VPS53: variants seen among roughly 807,000 people sequenced by gnomAD.
VPS53 encodes VPS53 subunit of GARP complex.
A neutral mutation model predicts 107.0 loss-of-function variants in VPS53; 70 were observed. That is an observed-to-expected ratio of 0.65 (90% CI 0.54 to 0.80). The LOEUF (loss-of-function observed/expected upper bound fraction) is 0.80, where lower values mean the gene tolerates loss of function less well. Ranked by LOEUF, VPS53 falls within the 30% of genes least tolerant of loss-of-function variation. The pLI is 0.00. For missense variants in VPS53, 917 were observed against 1,049.4 expected (o/e 0.87, Z 1.74); for synonymous variants, 409 against 393.3 (o/e 1.04, Z -0.47).
intron 11 of VPS53, among the ~76,000 whole-genome samples, chr17:613,571 T>C (rs1029634477): frequency 6.7e-6 from 1 of 149,022 alleles, no homozygotes; most frequent in Admixed American, 6.7e-5. Context: ...CACAGCAGTA[T>C]TCAAATAGTG....
At position 519,747 on chromosome 17, in the gene VPS53, C is replaced by T. The variant is rs1237559144; in HGVS notation, c.2328+79G>A. ...GCATTTTGAGAAAGCCCCCCCGGAA[C>T]TTATATCCCAATTCCCGGTTAAGAA... is the stretch of plus-strand genomic sequence containing the variant. On this transcript the variant is annotated intron_variant, in intron 21 of 21. Transcript: ENST00000437048. This position sits in a 1 kb window ranked among gnomAD's most constrained non-coding sequence, Gnocchi z 5.0. 2 of 1,093,148 alleles carry T rather than the reference C, an allele frequency of 1.8e-6. No individual in the cohort carries two copies. The highest frequency in any genetic ancestry group is 2.6e-5 in the East Asian group (1 of 38,708). The allele number at this position is 1,093,148 out of a possible 1,614,324, so 67.7% of individuals were successfully genotyped here. A position where few individuals can be genotyped will look rare whatever the true frequency, so the allele number is the denominator to read the frequency against.
At chr17:623,726 G>T in intron 10 of VPS53, 52 bp from the exon 11 acceptor site, 11 of 1,554,908 alleles carry the variant, frequency 7.1e-6, no homozygotes, top group Non-Finnish European at 9.6e-6. Context: ...CATTCATTCA[G>T]TAGAGATAAG....
Position 560,571 on chromosome 17 carries a change from G to T in VPS53, c.1559C>A (p.Thr520Asn). The change falls in exon 15 of 22, where the codon ACC becomes AAC. Residue 520 changes from threonine to asparagine, a missense_variant and splice_region_variant. Transcript: ENST00000437048. ...AGTCAGTCCTCCACTGCTGGTTGTG[G>T]TTCTGAAGAAAAGGAACAGGAACAA... ...WKILSGNLPK[T>N]TTSSGGLTIS... is the part of the protein sequence containing the mutation. The T allele has an allele frequency of 1.9e-6, 3 of 1,613,220 alleles. No individual in the cohort carries two copies. Among genetic ancestry groups the T allele is most frequent in the Non-Finnish European group, 2.5e-6 (3 of 1,179,604 alleles).
At chr17:536,353 G>A (rs1237011140) in intron 18 of VPS53, 1 of 152,108 alleles carries the variant, frequency 6.6e-6, no homozygotes, top group African/African-American at 2.4e-5. Context: ...AGGCTCAAAA[G>A]AAACAGAACC....
At chr17:679,922 T>C (rs996839204) in intron 4 of VPS53, among the ~76,000 whole-genome samples, 4 of 152,134 alleles carry the variant, frequency 2.6e-5, no homozygotes, top group Non-Finnish European at 4.4e-5. Context: ...CCGAGGCAGG[T>C]GGATCACCTG....
At chr17:598,440 A>C (rs1291259705) in intron 12 of VPS53, among the ~76,000 whole-genome samples, 1 of 151,070 alleles carries the variant, frequency 6.6e-6, no homozygotes, top group Non-Finnish European at 1.5e-5. Flanking sequence ...GGATGTGAGG[A>C]GCCCCTCTGC....
Position 547,641 on chromosome 17 carries a change from T to A in VPS53, c.1866+4231A>T, listed in dbSNP as rs145913890. On this transcript the variant is annotated intron_variant, in intron 17 of 21. Coordinates refer to ENST00000437048, the MANE Select transcript of VPS53 (RefSeq NM_001128159.3). Reference sequence around the variant, plus strand: ...CTAAAAACAACTAAATTGTACACTTTATTTATTTATTTATAAAATAGAGTC... The same window carrying A: ...CTAAAAACAACTAAATTGTACACTTAATTTATTTATTTATAAAATAGAGTC... 3.9e-5 allele frequency among the ~76,000 whole-genome samples: 6 copies of A among 152,250 alleles called. No individual in the cohort carries two copies. In the East Asian group the frequency reaches 1.2e-3, roughly 29 times the overall value.
chr17:685,993 C>T (rs967821532), intron 4 of VPS53, among the ~76,000 whole-genome samples: 3 of 150,760 alleles, frequency 2.0e-5, no homozygotes, highest in East Asian at 1.9e-4. Flanking sequence ...GACCCTGGAG[C>T]GAGACCCTGT....
intron 6 of VPS53, among the ~76,000 whole-genome samples, chr17:654,614 G>A (rs982177798): frequency 2.6e-5 from 4 of 151,190 alleles, no homozygotes; most frequent in African/African-American, 9.7e-5. Context: ...GCGGGCGCCT[G>A]TAGTCCCAGC....
chr17:701,103 C>T (rs1008147974), intron 2 of VPS53, among the ~76,000 whole-genome samples: 6 of 152,088 alleles, frequency 3.9e-5, no homozygotes, highest in Non-Finnish European at 7.4e-5. Context: ...GTGGGAGGAT[C>T]ACTTAAATCC....
intron 4 of VPS53, among the ~76,000 whole-genome samples, chr17:681,556 A>G (rs1179435525): frequency 2.0e-5 from 3 of 152,212 alleles, no homozygotes; most frequent in Admixed American, 6.5e-5. Context: ...ATCTGTTGTG[A>G]TCTGTTGTTC....
At chr17:588,187 G>A (rs1419089537) in intron 12 of VPS53, among the ~76,000 whole-genome samples, 1 of 152,154 alleles carries the variant, frequency 6.6e-6, no homozygotes, top group Non-Finnish European at 1.5e-5. Flanking sequence ...TTGTGGTGGT[G>A]TGCGCCTGTA....
At chr17:538,539 C>G (rs1052487266) in intron 17 of VPS53, 2 of 152,234 alleles carry the variant, frequency 1.3e-5, no homozygotes, top group African/African-American at 4.8e-5. Flanking sequence ...TTAAAAGAAT[C>G]ACATCGTACG....
chr17:645,698 C>T (rs1970657886), intron 7 of VPS53, among the ~76,000 whole-genome samples: 1 of 152,244 alleles, frequency 6.6e-6, no homozygotes, highest in African/African-American at 2.4e-5. Context: ...CTGGTTTCTG[C>T]CAAATAAAAG....
chr17:618,704 G>T (rs1005309751), intron 11 of VPS53, among the ~76,000 whole-genome samples: 4 of 133,130 alleles, frequency 3.0e-5, no homozygotes, highest in Non-Finnish European at 6.4e-5. Flanking sequence ...GCACCACCAT[G>T]CCTGTTAATA....
At chr17:530,305 C>A (rs1909439676) in intron 19 of VPS53, among the ~76,000 whole-genome samples, 1 of 151,984 alleles carries the variant, frequency 6.6e-6, no homozygotes, top group South Asian at 2.1e-4. Context: ...AGGCGCACCA[C>A]ACCTTGCCCA....
intron 13 of VPS53, among the ~76,000 whole-genome samples, chr17:566,863 C>G (rs1913570174): frequency 1.3e-5 from 2 of 152,062 alleles, no homozygotes; most frequent in South Asian, 4.1e-4. Context: ...ACTGCCTCAG[C>G]TTCCTGAGTA....
chr17:679,829 T>C (rs1403098942), intron 4 of VPS53, among the ~76,000 whole-genome samples: 1 of 152,054 alleles, frequency 6.6e-6, no homozygotes, highest in Non-Finnish European at 1.5e-5. Flanking sequence ...TTGCAAAAAA[T>C]GGGAAGCATC....
At chr17:581,585 C>T (rs1967020470) in intron 13 of VPS53, among the ~76,000 whole-genome samples, 1 of 151,148 alleles carries the variant, frequency 6.6e-6, no homozygotes, top group Admixed American at 6.6e-5. Context: ...CTAAGGCATT[C>T]CCAGAGAACT....
Sources: gnomAD v4.1 joint callset for allele counts (sites outside exome capture counted in the v4.1 genomes callset) on GRCh38, gnomAD v4.1.1 for gene constraint, Gnocchi (gnomAD v3.1) non-coding constraint, MANE v1.5 for transcripts, NCBI Gene and HGNC (gene_info 2026-07-23, HGNC 2026-07-21) for gene names.